LRIF1: variants seen among roughly 807,000 people sequenced by gnomAD.
LRIF1 encodes ligand-dependent nuclear receptor-interacting factor 1.
LRIF1 carries 32 observed loss-of-function variants against 52.7 expected under a neutral mutation model. The ratio of observed to expected loss-of-function variants is 0.61; its 90% CI spans 0.46 to 0.82. LRIF1 has a LOEUF of 0.82. LRIF1 is among the 40% of genes least tolerant of loss of function. The pLI is 0.00. For synonymous variants in LRIF1, 323 were observed against 317.4 expected (o/e 1.02, Z -0.19); for missense variants, 887 against 892.0 (o/e 0.99, Z 0.07).
At chr1:110,915,381 G>A in the LRIF1 span, among the ~76,000 whole-genome samples, 2 of 152,106 alleles carry the variant, frequency 1.3e-5, no homozygotes, top group Admixed American at 6.5e-5. Context: ...CCAGCTATTC[G>A]GGAGGCTGAG....
chr1:110,916,206 T>C, the LRIF1 span, among the ~76,000 whole-genome samples: 1 of 152,286 alleles, frequency 6.6e-6, no homozygotes, highest in South Asian at 2.1e-4. Flanking sequence ...GATAAATATA[T>C]AAATAATCTA....
chr1:110,909,573 CTTTTTTTT>C, the LRIF1 span, among the ~76,000 whole-genome samples: 1 of 77,978 alleles, frequency 1.3e-5, no homozygotes, highest in African/African-American at 4.7e-5. Flanking sequence ...GCAGGGGTAG[CTTTTTTTT>C]TTTTTTTTTT....
At chr1:110,875,935 A>T in the LRIF1 span, among the ~76,000 whole-genome samples, 1 of 152,230 alleles carries the variant, frequency 6.6e-6, no homozygotes, top group Non-Finnish European at 1.5e-5. Flanking sequence ...TCTCTTCATT[A>T]TCCATTTCAT....
intron 1 of LRIF1, among the ~76,000 whole-genome samples, chr1:110,956,472 G>T (rs1570946351): frequency 6.6e-6 from 1 of 152,116 alleles, no homozygotes; most frequent in African/African-American, 2.4e-5. Context: ...TAAAGTATAG[G>T]GATAAAATAA....
the LRIF1 span, among the ~76,000 whole-genome samples, chr1:110,901,497 A>C: frequency 2.0e-3 from 46 of 23,406 alleles, no homozygotes; most frequent in East Asian, 0.033. Flanking sequence ...TTTTTTTTTT[A>C]GACGGAGTCT....
At chr1:110,905,752 T>TA in the LRIF1 span, among the ~76,000 whole-genome samples, 1 of 152,148 alleles carries the variant, frequency 6.6e-6, no homozygotes, top group Non-Finnish European at 1.5e-5. Flanking sequence ...TATAACACTG[T>TA]AACTGTGGTG....
At chr1:110,935,984 G>C in the LRIF1 span, among the ~76,000 whole-genome samples, 10 of 151,892 alleles carry the variant, frequency 6.6e-5, no homozygotes, top group East Asian at 1.9e-3. Flanking sequence ...ATGGAGCTCC[G>C]ATATATCTGG....
chr1:110,955,145 G>A (rs921507366), intron 1 of LRIF1, among the ~76,000 whole-genome samples: 9 of 152,074 alleles, frequency 5.9e-5, no homozygotes, highest in Non-Finnish European at 8.8e-5. Context: ...ATCCCCCCAA[G>A]TTCCATCTTC....
At chr1:110,957,491 A>AAAAAAAAAAAC (rs1421117737) in intron 1 of LRIF1, among the ~76,000 whole-genome samples, 1 of 149,736 alleles carries the variant, frequency 6.7e-6, no homozygotes, top group Non-Finnish European at 1.5e-5. Flanking sequence ...AAAAAAAAAA[A>AAAAAAAAAAAC]AGACTGCAAC....
chr1:110,921,002 G>C, the LRIF1 span, among the ~76,000 whole-genome samples: 1 of 152,058 alleles, frequency 6.6e-6, no homozygotes, highest in East Asian at 1.9e-4. Context: ...TGTCTAAGAT[G>C]CAAGAATAAA....
Position 110,951,574 on chromosome 1 carries a change from A to T in LRIF1, c.1310T>A (p.Met437Lys). The change falls in exon 2 of 4, where the codon ATG (methionine) becomes AAG (lysine). Residue 437 changes from methionine to lysine, a missense_variant. Transcript: ENST00000369763. ...KSLSNTQLAS[M>K]ANLRAEKNKV... ...ATTCTTCTCTGCCCTTAGATTGGCC[A>T]TGGAAGCAAGCTGGGTATTGGAAAG... 1 of 1,614,158 alleles carries T rather than the reference A, an allele frequency of 6.2e-7. No homozygotes were observed. The highest frequency in any genetic ancestry group is 8.5e-7 in the Non-Finnish European group (1 of 1,180,022).
downstream of LRIF1, among the ~76,000 whole-genome samples, chr1:110,946,615 TTTTC>T (rs1658211182): frequency 6.6e-6 from 1 of 152,018 alleles, no homozygotes; most frequent in Non-Finnish European, 1.5e-5. Context: ...CAGATTTTTT[TTTTC>T]TTTAACCTCT....
the LRIF1 span, chr1:110,894,458 T>C: frequency 7.8e-7 from 1 of 1,282,714 alleles, no homozygotes; most frequent in Admixed American, 1.7e-5. Flanking sequence ...GAGTATGCAG[T>C]GGAGAAGTTG....
chr1:110,913,945 G>T, the LRIF1 span, among the ~76,000 whole-genome samples: 3 of 152,062 alleles, frequency 2.0e-5, no homozygotes, highest in South Asian at 2.1e-4. Context: ...TATACACTAT[G>T]GAATACAACA....
chr1:110,961,464 C>T (rs1658944070), intron 1 of LRIF1, among the ~76,000 whole-genome samples: 1 of 152,166 alleles, frequency 6.6e-6, no homozygotes. Context: ...AAACCCAAAT[C>T]AATATAAATT....
the LRIF1 span, among the ~76,000 whole-genome samples, chr1:110,925,904 C>G: frequency 6.6e-6 from 1 of 151,196 alleles, no homozygotes; most frequent in African/African-American, 2.4e-5. Context: ...AAAATTGAAG[C>G]CAGATATTAT....
chr1:110,952,091 T>C lies in LRIF1; in HGVS notation c.793A>G (p.Thr265Ala). 1 of 1,614,234 alleles carries C rather than the reference T, an allele frequency of 6.2e-7. No individual in the cohort carries two copies. Among genetic ancestry groups the C allele is most frequent in the Non-Finnish European group, 8.5e-7 (1 of 1,180,026 alleles). ...GCAACATTCTTTGGAATTTGTGTGG[T>C]ATTTAGTATTACTGGCTTTGCTATT... ...TEIAKPVILNTTQIPKNVATE... is the reference protein window; with the variant it reads ...TEIAKPVILNATQIPKNVATE... The change falls in exon 2 of 4, where the codon ACC becomes GCC. Residue 265 changes from threonine (T) to alanine (A), a missense_variant. Thr to Ala is a moderately conservative substitution (Grantham distance 58). Coordinates refer to ENST00000369763, the MANE Select transcript of LRIF1 (RefSeq NM_018372.4).
chr1:110,897,525 C>T, the LRIF1 span: 246 of 272,724 alleles, frequency 9.0e-4, no homozygotes, highest in African/African-American at 5.1e-3. Flanking sequence ...AGTAGGACGT[C>T]GGTTGCTGAC....
intron 1 of LRIF1, among the ~76,000 whole-genome samples, chr1:110,959,504 C>G (rs1232740763): frequency 6.6e-6 from 1 of 151,998 alleles, no homozygotes; most frequent in Admixed American, 6.6e-5. Flanking sequence ...GTAATCCCAG[C>G]ACCTTGGGAG....
Sources: gnomAD v4.1 joint callset for allele counts (sites outside exome capture counted in the v4.1 genomes callset) on GRCh38, gnomAD v4.1.1 for gene constraint, MANE v1.5 for transcripts, NCBI Gene and HGNC (gene_info 2026-07-23, HGNC 2026-07-21) for gene names.